The following TMEM26 variants were observed in gnomAD, a reference collection of about 807,000 sequenced individuals.
The protein encoded by TMEM26 is transmembrane protein 26.
In TMEM26, 38 loss-of-function variants were observed where a neutral mutation model predicts 28.8. The observed-to-expected ratio is 1.32, with a 90% CI of 1.02 to 1.73. The LOEUF is 1.73. TMEM26 is among the 40% of genes most tolerant of loss of function. TMEM26 has a pLI of 0.00. For missense variants in TMEM26, 518 were observed against 447.1 expected (o/e 1.16, Z -1.43); for synonymous variants, 227 against 182.9 (o/e 1.24, Z -1.95).
chr10:61,423,354 A>G (rs1480380295), intron 4 of TMEM26, among the ~76,000 whole-genome samples: 1 of 152,212 alleles, frequency 6.6e-6, no homozygotes, highest in Non-Finnish European at 1.5e-5. Flanking sequence ...TGAAGTCAGC[A>G]TTACCAAAGA....
At chr10:61,419,258 T>C (rs1195873889) in intron 4 of TMEM26, among the ~76,000 whole-genome samples, 3 of 151,954 alleles carry the variant, frequency 2.0e-5, no homozygotes, top group Non-Finnish European at 4.4e-5. Context: ...GTATGTGATA[T>C]ATAAAAGAAA....
At chr10:61,433,601 C>A (rs924091000) in intron 2 of TMEM26, among the ~76,000 whole-genome samples, 2 of 152,064 alleles carry the variant, frequency 1.3e-5, no homozygotes, top group Non-Finnish European at 2.9e-5. Flanking sequence ...TACATGTACA[C>A]CCAACCAGAT....
chr10:61,415,327 G>T (rs1839634024), intron 4 of TMEM26, among the ~76,000 whole-genome samples: 1 of 152,018 alleles, frequency 6.6e-6, no homozygotes, highest in Non-Finnish European at 1.5e-5. Context: ...GAAATATAAG[G>T]TCTAAAATTT....
At chr10:61,452,217 A>G (rs1840296820) in intron 1 of TMEM26, among the ~76,000 whole-genome samples, 1 of 152,208 alleles carries the variant, frequency 6.6e-6, no homozygotes, top group Non-Finnish European at 1.5e-5. Flanking sequence ...CACAGACGTT[A>G]AGACTGAACC....
rs1177619704 is a variant in TMEM26 at position 61,429,139 on chromosome 10, A to T, written c.392T>A (p.Val131Asp). 1 of 1,612,340 alleles carries T rather than the reference A, an allele frequency of 6.2e-7. No individual in the cohort carries two copies. The highest frequency in any genetic ancestry group is 1.7e-5 in the Admixed American group (1 of 59,902). Residue 131 changes from valine to aspartate, a missense_variant, in exon 4 of 6, where the codon GTT (valine) becomes GAT (aspartate). By Grantham distance (152) the Val-to-Asp change is radical. Coordinates refer to ENST00000399298, the MANE Select transcript of TMEM26 (RefSeq NM_178505.8). Reference sequence around the variant, plus strand: ...TACTGTAGATAAGTTATTCACAAAAACTTTGGCCTGTTTAACAGAAATGTC... The same window carrying T: ...TACTGTAGATAAGTTATTCACAAAATCTTTGGCCTGTTTAACAGAAATGTC... ...RADDLIETAKVFVNNLSTVCE... is the reference protein window; with the variant it reads ...RADDLIETAKDFVNNLSTVCE...
chr10:61,443,762 A>G (rs927019398), intron 1 of TMEM26, among the ~76,000 whole-genome samples: 2 of 152,194 alleles, frequency 1.3e-5, no homozygotes, highest in African/African-American at 4.8e-5. Context: ...CAAAATTAGT[A>G]CCCCATATAC....
chr10:61,415,178 TAGA>T lies in TMEM26; in HGVS notation c.606-1646_606-1644del. The T allele has an allele frequency of 3.0e-6, 3 of 984,792 alleles. 1 individual carries two copies. The highest frequency in any genetic ancestry group is 1.2e-6 in the Non-Finnish European group (1 of 829,428). 61.0% of individuals were successfully genotyped at this position (984,792 alleles called of 1,614,324 possible). A position where few individuals can be genotyped will look rare whatever the true frequency, so the allele number is the denominator to read the frequency against. ...TGACCTAGATTAGAATAGAATTGGATAGAAGAAAGAGCATTTCACAGCAGCAGC... is the reference window on the plus strand; with the variant it reads ...TGACCTAGATTAGAATAGAATTGGATAGAAAGAGCATTTCACAGCAGCAGC... On this transcript the variant is annotated intron_variant, in intron 4 of 5. Transcript: ENST00000399298.
intron 1 of TMEM26, among the ~76,000 whole-genome samples, chr10:61,441,913 T>G (rs929926191): frequency 1.1e-4 from 17 of 152,194 alleles, no homozygotes; most frequent in Non-Finnish European, 2.2e-4. Context: ...AGTTGTGTTT[T>G]TTTGTTTTAA....
chr10:61,407,026 G>T lies in TMEM26; in HGVS notation c.*3296C>A, dbSNP rs376991492. The T allele has an allele frequency of 6.6e-6, 1 of 151,628 alleles. No individual in the cohort carries two copies. Among genetic ancestry groups the T allele is most frequent in the African/African-American group, 2.4e-5 (1 of 41,252 alleles). The allele number at this position is 151,628 out of a possible 1,614,324, so 9.4% of individuals were successfully genotyped here. ...CAAGACTGTTTGGTGTTTCATTTGC[G>T]TCTCTGTAGTATACGTCACCATCCC... On this transcript the variant is annotated 3_prime_UTR_variant, in exon 6 of 6. Transcript: ENST00000399298.
At chr10:61,424,903 A>G (rs1201325396) in intron 4 of TMEM26, among the ~76,000 whole-genome samples, 1 of 152,230 alleles carries the variant, frequency 6.6e-6, no homozygotes, top group East Asian at 1.9e-4. Flanking sequence ...TAAACTTGGA[A>G]CCTTACCTCC....
chr10:61,431,293 TG>T lies in TMEM26; in HGVS notation c.309del (p.Ser104AlafsTer10). On this transcript the variant is annotated frameshift_variant, in exon 3 of 6. Coordinates refer to ENST00000399298, the MANE Select transcript of TMEM26 (RefSeq NM_178505.8). LOFTEE classifies it high-confidence loss of function. ...GTTTGATTGAAGTCTTCTTTTCTGC[TG>T]GTATTCTGTGATGTTCCTTCAGCCT... is the stretch of plus-strand genomic sequence containing the variant. ...SIQAEGTSQN[T>X]SRKEDFNQTL... 1 of 1,613,230 alleles carries T rather than the reference TG, an allele frequency of 6.2e-7. No homozygotes were observed. The highest frequency in any genetic ancestry group is 2.2e-5 in the East Asian group (1 of 44,816).
intron 4 of TMEM26, among the ~76,000 whole-genome samples, chr10:61,416,512 C>T (rs1381894646): frequency 1.3e-5 from 2 of 151,938 alleles, no homozygotes; most frequent in African/African-American, 4.8e-5. Flanking sequence ...ATTATTTAAA[C>T]ATGTTAAACA....
At chr10:61,446,495 A>G (rs1285756631) in intron 1 of TMEM26, among the ~76,000 whole-genome samples, 1 of 152,176 alleles carries the variant, frequency 6.6e-6, no homozygotes, top group Non-Finnish European at 1.5e-5. Flanking sequence ...ACTGTAGTCT[A>G]TTAAGTGTGC....
chr10:61,446,144 T>C (rs1840176286), intron 1 of TMEM26, among the ~76,000 whole-genome samples: 1 of 152,236 alleles, frequency 6.6e-6, no homozygotes, highest in African/African-American at 2.4e-5. Context: ...ATTATTACAT[T>C]GATCTGAAGT....
chr10:61,425,414 C>G (rs891988085), intron 4 of TMEM26, among the ~76,000 whole-genome samples: 26 of 151,858 alleles, frequency 1.7e-4, no homozygotes, highest in African/African-American at 6.3e-4. Flanking sequence ...AGATATGACA[C>G]CAAAAATGTG....
At chr10:61,444,729 T>G (rs1466417885) in intron 1 of TMEM26, among the ~76,000 whole-genome samples, 2 of 151,152 alleles carry the variant, frequency 1.3e-5, no homozygotes, top group East Asian at 3.9e-4. Flanking sequence ...CTAAAAATTA[T>G]GTAGTAATGT....
intron 2 of TMEM26, among the ~76,000 whole-genome samples, chr10:61,432,893 A>G (rs1811960025): frequency 6.6e-6 from 1 of 152,140 alleles, no homozygotes; most frequent in Admixed American, 6.6e-5. Context: ...GTGTGTGTGT[A>G]TATGTGTGCA....
chr10:61,409,604 A>G lies in TMEM26; in HGVS notation c.*718T>C, dbSNP rs1343826212. 6.6e-6 allele frequency: 1 copy of G among 152,234 alleles called. No homozygotes were observed. The highest frequency in any genetic ancestry group is 2.4e-5 in the African/African-American group (1 of 41,438). 9.4% of individuals were successfully genotyped at this position (152,234 alleles called of 1,614,324 possible). Reference sequence around the variant, plus strand: ...GAGTAGAAATTGTGACTTTGCTAGCATTTCACCAATATTTCCTGCCTTGCA... The same window carrying G: ...GAGTAGAAATTGTGACTTTGCTAGCGTTTCACCAATATTTCCTGCCTTGCA... On this transcript the variant is annotated 3_prime_UTR_variant, in exon 6 of 6. Coordinates refer to ENST00000399298, the MANE Select transcript of TMEM26 (RefSeq NM_178505.8).
Position 61,406,768 on chromosome 10 carries a change from G to T in TMEM26, c.*3554C>A, listed in dbSNP as rs1180251104. 6.6e-6 allele frequency: 1 copy of T among 151,968 alleles called. No homozygotes were observed. 9.4% of individuals were successfully genotyped at this position (151,968 alleles called of 1,614,324 possible). On this transcript the variant is annotated 3_prime_UTR_variant, in exon 6 of 6. Coordinates refer to ENST00000399298, the MANE Select transcript of TMEM26 (RefSeq NM_178505.8). ...GGTATTCTAGTAAGAAAGAGACAGA[G>T]GATGAAATAGATACACATAAAATAT...
Sources: gnomAD v4.1 joint callset for allele counts (sites outside exome capture counted in the v4.1 genomes callset) on GRCh38, gnomAD v4.1.1 for gene constraint, MANE v1.5 for transcripts, NCBI Gene and HGNC (gene_info 2026-07-23, HGNC 2026-07-21) for gene names.